The following SLC25A13 variants were observed in gnomAD, a reference collection of about 807,000 sequenced individuals.
The protein encoded by SLC25A13 is solute carrier family 25 member 13.
Under a neutral mutation model 85.5 loss-of-function variants are expected in SLC25A13, and 70 were observed. That is an observed-to-expected ratio of 0.82 (90% CI 0.68 to 1.00). The LOEUF (loss-of-function observed/expected upper bound fraction) is 1.00, where lower values mean the gene tolerates loss of function less well. SLC25A13 is among the 50% of genes least tolerant of loss of function. The pLI is 0.00. For missense variants in SLC25A13, 765 were observed against 819.8 expected, an observed-to-expected ratio of 0.93 and a Z score of 0.82; for synonymous variants, 259 against 288.7, an observed-to-expected ratio of 0.90 and a Z score of 1.04.
chr7:96,227,855 A>G (rs1364408666), intron 4 of SLC25A13, among the ~76,000 whole-genome samples: 1 of 152,128 alleles, frequency 6.6e-6, no homozygotes, highest in Non-Finnish European at 1.5e-5. Context: ...ACCCGGAGGA[A>G]AACAAAGAAT....
At chr7:96,264,824 C>G (rs538125094) in intron 3 of SLC25A13, among the ~76,000 whole-genome samples, 1 of 151,886 alleles carries the variant, frequency 6.6e-6, no homozygotes, top group African/African-American at 2.4e-5. Context: ...GCTGGGATTA[C>G]AGGCATGAGC....
chr7:96,149,671 G>A (rs1215631129), intron 13 of SLC25A13, among the ~76,000 whole-genome samples: 1 of 152,170 alleles, frequency 6.6e-6, no homozygotes, highest in African/African-American at 2.4e-5. Flanking sequence ...GATGAAACAG[G>A]CCCTTTGGAG....
At chr7:96,242,654 A>G (rs541687853) in intron 3 of SLC25A13, among the ~76,000 whole-genome samples, 1 of 152,326 alleles carries the variant, frequency 6.6e-6, no homozygotes, top group Non-Finnish European at 1.5e-5. Flanking sequence ...CCTTATCTGA[A>G]CCCAGACATT....
At chr7:96,292,058 G>T (rs1799146217) in intron 2 of SLC25A13, among the ~76,000 whole-genome samples, 1 of 152,188 alleles carries the variant, frequency 6.6e-6, no homozygotes, top group Non-Finnish European at 1.5e-5. Flanking sequence ...AAATTCAGCA[G>T]CACATCAAAA....
intron 2 of SLC25A13, among the ~76,000 whole-genome samples, chr7:96,286,426 C>G (rs1223648365): frequency 6.6e-6 from 1 of 152,200 alleles, no homozygotes; most frequent in Non-Finnish European, 1.5e-5. Context: ...CTGTGGCACT[C>G]TGACAGCTCT....
In SLC25A13 at chr7:96,220,385, C is replaced by A. The variant is rs772785561; in HGVS notation, c.329-11408G>T. On this transcript the variant is annotated intron_variant, in intron 4 of 17. Coordinates refer to ENST00000265631, the MANE Select transcript of SLC25A13 (RefSeq NM_014251.3). ...ATATTAGTATAAAACTGTTTTATTT[C>A]AATTAAAATGTCTAAGTATCCACCC... Among the ~76,000 whole-genome samples, 72 of 152,126 alleles carry A rather than the reference C, an allele frequency of 4.7e-4. 1 individual carries two copies. The highest frequency in any genetic ancestry group is 1.4e-3 in the Admixed American group (22 of 15,272).
chr7:96,245,392 C>T (rs1196277714), intron 3 of SLC25A13, among the ~76,000 whole-genome samples: 1 of 152,152 alleles, frequency 6.6e-6, no homozygotes, highest in African/African-American at 2.4e-5. Context: ...CCGATCACGG[C>T]CAATCCCTAC....
chr7:96,160,784 T>G (rs1417708222), intron 13 of SLC25A13, among the ~76,000 whole-genome samples: 2 of 152,186 alleles, frequency 1.3e-5, no homozygotes, highest in East Asian at 3.9e-4. Context: ...GATATTTCTT[T>G]TAATTTTGCC....
intron 2 of SLC25A13, among the ~76,000 whole-genome samples, chr7:96,287,707 C>T (rs1032156292): frequency 3.3e-5 from 5 of 152,176 alleles, no homozygotes; most frequent in African/African-American, 1.2e-4. Context: ...TCACACCAAC[C>T]AGTGAGATTG....
intron 3 of SLC25A13, among the ~76,000 whole-genome samples, chr7:96,261,082 C>T (rs993734643): frequency 1.3e-5 from 2 of 152,110 alleles, no homozygotes; most frequent in African/African-American, 4.8e-5. Flanking sequence ...GCTCTTTGCA[C>T]CTGTTATCCC....
Position 96,147,794 on chromosome 7 carries a change from T to C in SLC25A13, c.1312-1098A>G, listed in dbSNP as rs555970648. On this transcript the variant is annotated intron_variant, in intron 13 of 17. Coordinates refer to ENST00000265631, the MANE Select transcript of SLC25A13 (RefSeq NM_014251.3). ...AGTCAACAGTGAAAAATGTTCAATA[T>C]ATACTTTTAAGTAAAAATGCTCATA... Among the ~76,000 whole-genome samples, 24 of 152,328 alleles carry C rather than the reference T, an allele frequency of 1.6e-4. No homozygotes were observed. In the South Asian group the frequency reaches 3.7e-3, roughly 24 times the overall value.
At chr7:96,140,552 G>A (rs1009380771) in intron 14 of SLC25A13, among the ~76,000 whole-genome samples, 8 of 151,190 alleles carry the variant, frequency 5.3e-5, no homozygotes, top group South Asian at 4.2e-4. Context: ...CTATAGGCAC[G>A]TCCACCATAC....
intron 1 of SLC25A13, among the ~76,000 whole-genome samples, chr7:96,318,725 A>G (rs1800220476): frequency 1.3e-5 from 2 of 152,216 alleles, no homozygotes; most frequent in South Asian, 4.1e-4. Flanking sequence ...AAAGAAAGAA[A>G]CAGATCAGAA....
intron 13 of SLC25A13, among the ~76,000 whole-genome samples, chr7:96,167,631 T>C (rs1793808063): frequency 6.6e-6 from 1 of 152,194 alleles, no homozygotes; most frequent in Non-Finnish European, 1.5e-5. Context: ...CTAGCAATGC[T>C]TGGATGAACT....
At chr7:96,273,947 T>A (rs1412759256) in intron 3 of SLC25A13, among the ~76,000 whole-genome samples, 1 of 152,188 alleles carries the variant, frequency 6.6e-6, no homozygotes, top group Non-Finnish European at 1.5e-5. Context: ...TGAACTAGTG[T>A]GAAATATAGC....
At chr7:96,306,780 C>T (rs1476332076) in intron 1 of SLC25A13, 26 of 1,232,076 alleles carry the variant, frequency 2.1e-5, no homozygotes, top group Non-Finnish European at 6.0e-6. Context: ...CCTCTGATAC[C>T]TCCTAGTGCC....
At chr7:96,230,046 C>A (rs1796480074) in intron 4 of SLC25A13, among the ~76,000 whole-genome samples, 1 of 152,142 alleles carries the variant, frequency 6.6e-6, no homozygotes, top group African/African-American at 2.4e-5. Flanking sequence ...AAAGCAATGT[C>A]AAAAGCATAT....
intron 14 of SLC25A13, among the ~76,000 whole-genome samples, chr7:96,140,427 C>T (rs1430750319): frequency 8.6e-5 from 9 of 104,122 alleles, no homozygotes; most frequent in South Asian, 3.2e-4. Flanking sequence ...TTTTTTGAGA[C>T]GGAGTCTCCC....
In SLC25A13 at chr7:96,121,671, T is replaced by TG; in HGVS notation, c.1824dup (p.Ile609HisfsTer2). 6.2e-7 allele frequency: 1 copy of TG among 1,614,102 alleles called. No individual in the cohort carries two copies. Among genetic ancestry groups the TG allele is most frequent in the South Asian group, 1.1e-5 (1 of 91,078 alleles). On this transcript the variant is annotated frameshift_variant, in exon 17 of 18. Transcript: ENST00000265631. LOFTEE classifies it high-confidence loss of function. ...GATACTTACACTCCTCCAAAATCAA[T>TG]GTAGAACCATCGCTGTAGCAATTCG...
Sources: allele counts gnomAD v4.1 joint callset (sites outside exome capture counted in the v4.1 genomes callset), GRCh38; gene constraint gnomAD v4.1.1; transcripts MANE v1.5; gene names NCBI Gene and HGNC (gene_info 2026-07-23, HGNC 2026-07-21).